The following EP300 variants were observed in gnomAD, a reference collection of about 807,000 sequenced individuals.
The protein encoded by EP300 is histone acetyltransferase p300.
In EP300, 31 loss-of-function variants were observed where a neutral mutation model predicts 264.0. The observed-to-expected ratio is 0.12, with a 90% CI of 0.09 to 0.16. The LOEUF (loss-of-function observed/expected upper bound fraction) is 0.16, where lower values mean the gene tolerates loss of function less well. Among genes scored for constraint, EP300 ranks in the 10% least tolerant of loss-of-function variants. EP300 has a pLI of 1.00. For missense variants in EP300, 2,766 were observed against 3,052.9 expected (o/e 0.91, Z 2.21); for synonymous variants, 1,340 against 1,045.4 (o/e 1.28, Z -5.44).
chr22:41,127,403 T>C, intron 3 of EP300, 84 bp from the exon 4 acceptor site: 1 of 1,574,126 alleles, frequency 6.4e-7, no homozygotes, highest in Non-Finnish European at 8.7e-7. Flanking sequence ...CATAAAGGTT[T>C]TCATTGAAAA....
chr22:41,151,764 T>G (rs550109076), intron 14 of EP300, 69 bp from the exon 15 acceptor site: 1 of 1,506,862 alleles, frequency 6.6e-7, no homozygotes, highest in African/African-American at 1.4e-5. Flanking sequence ...GTTGCTTACC[T>G]TACATTCTGA....
chr22:41,095,640 C>G (rs983998496), intron 1 of EP300, among the ~76,000 whole-genome samples: 19 of 151,720 alleles, frequency 1.3e-4, no homozygotes, highest in African/African-American at 4.6e-4. Context: ...AAGTTTCAAA[C>G]TTGTAACTTT....
In EP300 at chr22:41,152,157, C is replaced by G. The variant is rs1425137539; in HGVS notation, c.2998-49C>G. On this transcript the variant is annotated intron_variant, in intron 15 of 30. Transcript: ENST00000263253. ...AGAAAGGGTGTTCAGATTACTGATTCCCAACTAGATATCTTTGGAATACTA... is the reference window on the plus strand; with the variant it reads ...AGAAAGGGTGTTCAGATTACTGATTGCCAACTAGATATCTTTGGAATACTA... The G allele has an allele frequency of 3.1e-6, 5 of 1,600,608 alleles. No individual in the cohort carries two copies. The Admixed American group carries it at 8.3e-5, about 27-fold the overall frequency.
Sources: allele counts gnomAD v4.1 joint callset (sites outside exome capture counted in the v4.1 genomes callset), GRCh38; gene constraint gnomAD v4.1.1; transcripts MANE v1.5; gene names NCBI Gene and HGNC (gene_info 2026-07-23, HGNC 2026-07-21).